The following ALS2CL variants were observed in gnomAD, a reference collection of about 807,000 sequenced individuals.
ALS2CL encodes ALS2 C-terminal-like protein.
A neutral mutation model predicts 127.9 loss-of-function variants in ALS2CL; 112 were observed. The observed-to-expected ratio is 0.88, with a 90% CI of 0.75 to 1.02. The LOEUF is 1.02. Among genes scored for constraint, ALS2CL ranks in the 50% least tolerant of loss-of-function variants. ALS2CL has a pLI of 0.00. For missense variants in ALS2CL, 1,174 were observed against 1,236.7 expected, an observed-to-expected ratio of 0.95 and a Z score of 0.76; for synonymous variants, 519 against 527.6, an observed-to-expected ratio of 0.98 and a Z score of 0.22.
At chr3:46,680,563 C>T in intron 13 of ALS2CL, 22 bp from the exon 14 acceptor site, 2 of 1,605,712 alleles carry the variant, frequency 1.2e-6, no homozygotes, top group Non-Finnish European at 1.7e-6. Flanking sequence ...GGAATGTGGC[C>T]AGAGTTGGAT....
chr3:46,684,431 C>T (rs965809164), intron 7 of ALS2CL, among the ~76,000 whole-genome samples: 15 of 152,228 alleles, frequency 9.9e-5, no homozygotes, highest in Admixed American at 7.2e-4. Context: ...GGCCACTCCA[C>T]AATCACACCT....
At chr3:46,692,255 G>A (rs1193188514) in intron 1 of ALS2CL, among the ~76,000 whole-genome samples, 1 of 152,158 alleles carries the variant, frequency 6.6e-6, no homozygotes, top group African/African-American at 2.4e-5. Flanking sequence ...AAGTGCAGGG[G>A]TGAGGCAGCG....
In ALS2CL at chr3:46,688,103, G is replaced by A; in HGVS notation, c.297C>T (p.His99=). ...LRGADRVLQA[H]IEYIESYTSC... ...CCCACCTCCAGTGGTCTTACTCTAT[G>A]TGGGCCTGCAGTACACGGTCAGCAC... Residue 99 remains histidine (H), a synonymous_variant, in exon 3 of 26, where the codon CAC becomes CAT. Coordinates refer to ENST00000318962, the MANE Select transcript of ALS2CL (RefSeq NM_147129.5). The A allele has an allele frequency of 6.2e-7, 1 of 1,613,166 alleles. No individual in the cohort carries two copies. Among genetic ancestry groups the A allele is most frequent in the East Asian group, 2.2e-5 (1 of 44,872 alleles).
intron 13 of ALS2CL, chr3:46,680,900 C>T (rs1699268946): frequency 3.7e-6 from 2 of 536,256 alleles, no homozygotes; most frequent in African/African-American, 3.8e-5. Flanking sequence ...GGGGTGAGGT[C>T]AGAGAAGCAG....
intron 20 of ALS2CL, chr3:46,675,072 C>T (rs936107829): frequency 3.9e-6 from 1 of 256,114 alleles, no homozygotes; most frequent in African/African-American, 2.2e-5. Context: ...TCAGTTCCAC[C>T]TCCTGGTTTG....
chr3:46,692,820 G>A (rs981819395), intron 1 of ALS2CL, among the ~76,000 whole-genome samples: 2 of 152,176 alleles, frequency 1.3e-5, no homozygotes, highest in Admixed American at 1.3e-4. Flanking sequence ...CTCTGTCCAC[G>A]CTAGGTCCCT....
At position 46,674,659 on chromosome 3, in the gene ALS2CL, A is replaced by G. The variant is rs1300564713; in HGVS notation, c.2336T>C (p.Leu779Pro). 6.2e-7 allele frequency: 1 copy of G among 1,614,182 alleles called. No homozygotes were observed. The highest frequency in any genetic ancestry group is 1.7e-5 in the Admixed American group (1 of 60,024). The change falls in exon 21 of 26, where the codon CTT becomes CCT. Residue 779 changes from leucine (L) to proline (P), a missense_variant. Physicochemically the swap from Leu to Pro is moderately conservative, Grantham distance 98. Coordinates refer to ENST00000318962, the MANE Select transcript of ALS2CL (RefSeq NM_147129.5). ...GTAGAAGCTGTCCTCCCGCTCATGA[A>G]GCAGCAGGTAGAGCGTGAAGAGCTC... ...YSELFTLYLLLHEREDSFYSQ... is the reference protein window; with the variant it reads ...YSELFTLYLLPHEREDSFYSQ...
Position 46,671,905 on chromosome 3 carries a change from A to G in ALS2CL, c.2663T>C (p.Ile888Thr). 6.2e-7 allele frequency: 1 copy of G among 1,613,846 alleles called. No homozygotes were observed. ...TCACCGGGCGCGCGACACCACGTAG[A>G]TGAGAAGTGGCAGCAGGTCGTCCAT... Reference protein sequence around the residue: ...LPMDDLLPLLIYVVSRARIQH... With the variant: ...LPMDDLLPLLTYVVSRARIQH... Residue 888 changes from isoleucine (I) to threonine (T), a missense_variant, in exon 24 of 26, where the codon ATC (isoleucine) becomes ACC (threonine). By Grantham distance (89) the Ile-to-Thr change is moderately conservative. Coordinates refer to ENST00000318962, the MANE Select transcript of ALS2CL (RefSeq NM_147129.5).
chr3:46,680,649 A>G (rs1263544156), intron 13 of ALS2CL, 108 bp from the exon 14 acceptor site: 45 of 869,118 alleles, frequency 5.2e-5, no homozygotes, highest in Non-Finnish European at 7.1e-5. Flanking sequence ...GGGCAGTGAC[A>G]TCACCTGAAT....
chr3:46,688,407 T>C lies in ALS2CL; in HGVS notation c.104-111A>G, dbSNP rs960341332. The C allele has an allele frequency of 6.4e-5, 67 of 1,046,908 alleles. No individual in the cohort carries two copies. The African/African-American group carries it at 9.1e-4, about 14-fold the overall frequency. 64.9% of individuals were successfully genotyped at this position (1,046,908 alleles called of 1,614,324 possible). ...GAGAGCCACCAGCACCGGCCAGCCCTGGAGCTGCAGCAGGGTCTGCATCCC... is the reference window on the plus strand; with the variant it reads ...GAGAGCCACCAGCACCGGCCAGCCCCGGAGCTGCAGCAGGGTCTGCATCCC... On this transcript the variant is annotated intron_variant, in intron 2 of 25. Transcript: ENST00000318962.
chr3:46,673,466 T>C (rs2106687729), intron 21 of ALS2CL, 85 bp from the exon 22 acceptor site: 1 of 1,391,900 alleles, frequency 7.2e-7, no homozygotes, highest in Admixed American at 2.0e-5. Flanking sequence ...TATGCCACTG[T>C]TTCCCCCGGC....
At chr3:46,676,180 T>C in intron 19 of ALS2CL, 65 bp downstream of exon 19, 1 of 1,573,896 alleles carries the variant, frequency 6.4e-7, no homozygotes, top group Non-Finnish European at 8.6e-7. Context: ...AAGGCAGAAC[T>C]GATGCCTGGA....
At position 46,671,080 on chromosome 3, in the gene ALS2CL, C is replaced by T. The variant is rs1309320529; in HGVS notation, c.2782-16G>A. 3.8e-5 allele frequency: 61 copies of T among 1,612,998 alleles called. No homozygotes were observed. Among genetic ancestry groups the T allele is most frequent in the Non-Finnish European group, 4.8e-5 (57 of 1,179,138 alleles). On this transcript the variant is annotated splice_polypyrimidine_tract_variant and intron_variant, in intron 25 of 25. Coordinates refer to ENST00000318962, the MANE Select transcript of ALS2CL (RefSeq NM_147129.5). ...CGTAACAGGACTGGAGGGAGAGAGG[C>T]AAGGCTGAGGCCAGTTGACCTGCCT... is the stretch of plus-strand genomic sequence containing the variant.
intron 3 of ALS2CL, 22 bp from the exon 4 acceptor site, chr3:46,687,706 C>T (rs767195654): frequency 6.2e-7 from 1 of 1,604,626 alleles, no homozygotes; most frequent in African/African-American, 1.3e-5. Context: ...ACAGGGGACA[C>T]CCTGCAAACC....
intron 22 of ALS2CL, 64 bp downstream of exon 22, chr3:46,673,274 AG>A (rs1240707635): frequency 6.8e-7 from 1 of 1,473,058 alleles, no homozygotes; most frequent in African/African-American, 1.4e-5. Flanking sequence ...CATGAGGCAA[AG>A]GGCTCCTCAA....
rs770154158 is a variant in ALS2CL, at chr3:46,681,535, C to G, written c.1239G>C (p.Trp413Cys). The part of the protein sequence containing the change: ...EDKFDCYKCH[W>C]REGSMCGYGI... ...CGTAGCCACACATGCTGCCTTCTCG[C>G]CAGTGACACTTGTAACAGTCGAACT... The change falls in exon 12 of 26, where the codon TGG (tryptophan) becomes TGC (cysteine). Residue 413 changes from tryptophan to cysteine, a missense_variant. By Grantham distance (215) the Trp-to-Cys change is radical. Coordinates refer to ENST00000318962, the MANE Select transcript of ALS2CL (RefSeq NM_147129.5). This position sits in a 1 kb window ranked among gnomAD's most constrained non-coding sequence, Gnocchi z 4.9. 62 of 1,614,048 alleles carry G rather than the reference C, an allele frequency of 3.8e-5. No homozygotes were observed. In the Admixed American group the frequency reaches 4.5e-4, roughly 12 times the overall value.
intron 19 of ALS2CL, 90 bp from the exon 20 acceptor site, chr3:46,675,776 C>T: frequency 6.3e-7 from 1 of 1,595,266 alleles, no homozygotes; most frequent in Non-Finnish European, 8.5e-7. Flanking sequence ...AAGCAGGTGG[C>T]CTCTCAGAAC....
intron 13 of ALS2CL, 103 bp from the exon 14 acceptor site, chr3:46,680,644 G>T: frequency 2.1e-6 from 2 of 957,622 alleles, no homozygotes; most frequent in Non-Finnish European, 3.2e-6. Context: ...ATAAGGGGCA[G>T]TGACATCACC....
Position 46,687,633 on chromosome 3 carries a change from T to G in ALS2CL, c.354A>C (p.Ala118=). 1 of 1,613,320 alleles carries G rather than the reference T, an allele frequency of 6.2e-7. No individual in the cohort carries two copies. Among genetic ancestry groups the G allele is most frequent in the Non-Finnish European group, 8.5e-7 (1 of 1,179,734 alleles). ...SCMVVQAFQK[A]AKRRSEYWRG... is the part of the protein sequence containing the mutation. ...CCTGTGCTCACCTTCTCCTCTTTGC[T>G]GCCTTCTGGAAGGCCTGCACCACCA... The change falls in exon 4 of 26, where the codon GCA becomes GCC. Residue 118 remains alanine, a synonymous_variant. Coordinates refer to ENST00000318962, the MANE Select transcript of ALS2CL (RefSeq NM_147129.5).
Sources: allele counts gnomAD v4.1 joint callset (sites outside exome capture counted in the v4.1 genomes callset), GRCh38; gene constraint gnomAD v4.1.1; non-coding constraint Gnocchi (gnomAD v3.1); transcripts MANE v1.5; gene names NCBI Gene and HGNC (gene_info 2026-07-23, HGNC 2026-07-21).